The following ARHGAP21 variants were observed in gnomAD, a reference collection of about 807,000 sequenced individuals.
ARHGAP21 encodes Rho GTPase activating protein 21, also known as rho GTPase-activating protein 21.
ARHGAP21 carries 38 observed loss-of-function variants against 164.6 expected under a neutral mutation model. That is an observed-to-expected ratio of 0.23 (90% CI 0.18 to 0.30). ARHGAP21 has a LOEUF of 0.30. ARHGAP21 is among the 10% of genes least tolerant of loss of function. The pLI is 1.00. For synonymous variants in ARHGAP21, 766 were observed against 857.9 expected (o/e 0.89, Z 1.87); for missense variants, 1,822 against 2,370.7 (o/e 0.77, Z 4.81).
intron 4 of ARHGAP21, among the ~76,000 whole-genome samples, chr10:24,664,570 T>TAA (rs1565125319): frequency 6.7e-6 from 1 of 148,242 alleles, no homozygotes; most frequent in African/African-American, 2.5e-5. Flanking sequence ...AAAAAAATAA[T>TAA]AATAATAATA....
At chr10:24,648,517 C>T (rs559098323) in intron 4 of ARHGAP21, among the ~76,000 whole-genome samples, 5 of 152,270 alleles carry the variant, frequency 3.3e-5, no homozygotes, top group African/African-American at 7.2e-5. Context: ...CAGAGGCTCA[C>T]GCCTATAATC....
chr10:24,697,227 C>T (rs1295022946), intron 2 of ARHGAP21, among the ~76,000 whole-genome samples: 1 of 152,038 alleles, frequency 6.6e-6, no homozygotes, highest in Non-Finnish European at 1.5e-5. Context: ...AAAAGGACAG[C>T]TGGAGGTATT....
At chr10:24,674,386 T>A (rs1037955045) in intron 2 of ARHGAP21, among the ~76,000 whole-genome samples, 6 of 152,060 alleles carry the variant, frequency 3.9e-5, no homozygotes, top group African/African-American at 1.4e-4. Context: ...ATACAAAAAT[T>A]AGCCAGGTGT....
chr10:24,588,424 T>TAGGGTAAAGGATTTGGGTGCTA (rs1592916658), intron 25 of ARHGAP21, among the ~76,000 whole-genome samples: 13 of 152,110 alleles, frequency 8.5e-5, no homozygotes, highest in East Asian at 1.9e-4. Flanking sequence ...TTAGCAGCTT[T>TAGGGTAAAGGATTTGGGTGCTA]TCTGTAGGTT....
At chr10:24,638,441 G>A (rs1836615315) in intron 4 of ARHGAP21, among the ~76,000 whole-genome samples, 2 of 152,258 alleles carry the variant, frequency 1.3e-5, no homozygotes, top group East Asian at 1.9e-4. Context: ...TATTTAACAC[G>A]TGTGTCATTC....
chr10:24,595,234 G>T, intron 19 of ARHGAP21, 44 bp from the exon 20 acceptor site: 1 of 1,489,524 alleles, frequency 6.7e-7, no homozygotes, highest in Non-Finnish European at 9.3e-7. Context: ...AAATTGCCTA[G>T]GTGAATTGTA....
At chr10:24,641,830 C>T (rs1004349751) in intron 4 of ARHGAP21, among the ~76,000 whole-genome samples, 1 of 151,828 alleles carries the variant, frequency 6.6e-6, no homozygotes, top group Non-Finnish European at 1.5e-5. Context: ...CCTGTCTCTA[C>T]TAAAAACACA....
chr10:24,620,946 T>A lies in ARHGAP21; in HGVS notation c.949A>T (p.Thr317Ser). ...EQTSLKTVSR[T>S]TSPPLSIPTT... Reference sequence around the variant, plus strand: ...GGAATTGATAATGGTGGTGATGTGGTTCTTGACACTGTTTTTAAAGAGGTC... The same window carrying A: ...GGAATTGATAATGGTGGTGATGTGGATCTTGACACTGTTTTTAAAGAGGTC... The change falls in exon 9 of 26, where the codon ACC becomes TCC. Residue 317 changes from threonine to serine, a missense_variant. Coordinates refer to ENST00000396432, the MANE Select transcript of ARHGAP21 (RefSeq NM_020824.4). 1 of 1,613,936 alleles carries A rather than the reference T, an allele frequency of 6.2e-7. No homozygotes were observed. The highest frequency in any genetic ancestry group is 8.5e-7 in the Non-Finnish European group (1 of 1,179,864).
At position 24,620,869 on chromosome 10, in the gene ARHGAP21, A is replaced by G; in HGVS notation, c.1026T>C (p.Ser342=). The G allele has an allele frequency of 6.2e-7, 1 of 1,614,016 alleles. No homozygotes were observed. Among genetic ancestry groups the G allele is most frequent in the Non-Finnish European group, 8.5e-7 (1 of 1,179,886 alleles). ...AATTTCCAGACTTAAGTAAAATTCC[A>G]GAAGGTTCCAGTGATCTGGAGCCTG... The part of the protein sequence containing the change: ...QPAGSRSLEP[S]GILLKSGNYS... Residue 342 remains serine (S), a synonymous_variant, in exon 9 of 26, where the codon TCT becomes TCC. Transcript: ENST00000396432.
intron 4 of ARHGAP21, among the ~76,000 whole-genome samples, chr10:24,658,684 G>T (rs541362510): frequency 4.6e-5 from 7 of 152,112 alleles, no homozygotes; most frequent in Non-Finnish European, 8.8e-5. Flanking sequence ...GTTGTGGGGT[G>T]GGGGGAGAGA....
chr10:24,635,533 T>TTTTGC (rs1461298809), intron 4 of ARHGAP21, among the ~76,000 whole-genome samples: 10 of 147,666 alleles, frequency 6.8e-5, no homozygotes, highest in African/African-American at 1.8e-4. Flanking sequence ...GGCTTTTGTT[T>TTTTGC]TTTGTTTTGT....
chr10:24,697,238 C>T (rs981111935), intron 2 of ARHGAP21, among the ~76,000 whole-genome samples: 1 of 151,972 alleles, frequency 6.6e-6, no homozygotes, highest in Non-Finnish European at 1.5e-5. Context: ...TGGAGGTATT[C>T]GCTGCTGAGA....
At chr10:24,658,576 G>C (rs1482090972) in intron 4 of ARHGAP21, among the ~76,000 whole-genome samples, 5 of 152,112 alleles carry the variant, frequency 3.3e-5, no homozygotes, top group Non-Finnish European at 4.4e-5. Context: ...ACTATCGCAA[G>C]GATAGAAAAC....
At chr10:24,701,037 G>A (rs1206209014) in intron 2 of ARHGAP21, among the ~76,000 whole-genome samples, 3 of 152,150 alleles carry the variant, frequency 2.0e-5, no homozygotes, top group African/African-American at 4.8e-5. Context: ...GCTTATCAAC[G>A]TAAAGCCTCC....
chr10:24,711,551 G>A (rs147204712), intron 2 of ARHGAP21, among the ~76,000 whole-genome samples: 70 of 152,154 alleles, frequency 4.6e-4, no homozygotes, highest in African/African-American at 1.6e-3. Flanking sequence ...TTCCTTATTT[G>A]AGAATCAACA....
chr10:24,616,111 TA>T (rs1292534728), intron 9 of ARHGAP21, among the ~76,000 whole-genome samples: 15 of 152,124 alleles, frequency 9.9e-5, no homozygotes, highest in African/African-American at 2.9e-4. Context: ...CTCACATCGT[TA>T]CTCAAATAGT....
intron 4 of ARHGAP21, among the ~76,000 whole-genome samples, chr10:24,665,976 C>G (rs2131725589): frequency 6.6e-6 from 1 of 152,282 alleles, no homozygotes; most frequent in South Asian, 2.1e-4. Context: ...TAGTATTGTA[C>G]CAATGCTAAT....
chr10:24,691,977 A>G (rs986890785), intron 2 of ARHGAP21, among the ~76,000 whole-genome samples: 14 of 152,364 alleles, frequency 9.2e-5, no homozygotes, highest in African/African-American at 3.1e-4. Flanking sequence ...AAATTTTACT[A>G]AAAATGTGTA....
intron 14 of ARHGAP21, among the ~76,000 whole-genome samples, chr10:24,600,344 ATGGAAATGGATC>A (rs955977289): frequency 6.6e-6 from 1 of 152,098 alleles, no homozygotes; most frequent in Non-Finnish European, 1.5e-5. Flanking sequence ...TCTTTGAAAG[ATGGAAATGGATC>A]TGGAATAACT....
Sources: allele counts gnomAD v4.1 joint callset (sites outside exome capture counted in the v4.1 genomes callset), GRCh38; gene constraint gnomAD v4.1.1; transcripts MANE v1.5; gene names NCBI Gene and HGNC (gene_info 2026-07-23, HGNC 2026-07-21).